GRIN2A: variants seen among roughly 807,000 people sequenced by gnomAD.
GRIN2A encodes glutamate receptor ionotropic, NMDA 2A.
In GRIN2A, 22 loss-of-function variants were observed where a neutral mutation model predicts 113.4. The ratio of observed to expected loss-of-function variants is 0.19; its 90% CI spans 0.14 to 0.28. The LOEUF (loss-of-function observed/expected upper bound fraction) is 0.28, where lower values mean the gene tolerates loss of function less well. Ranked by LOEUF, GRIN2A falls within the 10% of genes least tolerant of loss-of-function variation. The probability of loss-of-function intolerance (pLI) is 1.00; values close to 1 mark genes in which losing one functional copy is unlikely to be tolerated. For missense variants in GRIN2A, 1,502 were observed against 1,887.0 expected, an observed-to-expected ratio of 0.80 and a Z score of 3.78; for synonymous variants, 827 against 738.4, an observed-to-expected ratio of 1.12 and a Z score of -1.94.
At chr16:9,782,013 T>C (rs1224350258) in intron 11 of GRIN2A, among the ~76,000 whole-genome samples, 1 of 152,150 alleles carries the variant, frequency 6.6e-6, no homozygotes, top group Non-Finnish European at 1.5e-5. Context: ...ATAATTATAA[T>C]TAAAGAAATG....
At chr16:9,792,354 G>A (rs560426754) in intron 11 of GRIN2A, among the ~76,000 whole-genome samples, 3 of 152,146 alleles carry the variant, frequency 2.0e-5, no homozygotes, top group African/African-American at 7.2e-5. Flanking sequence ...TCCTGAGTAG[G>A]TGGGCCTACA....
intron 10 of GRIN2A, among the ~76,000 whole-genome samples, chr16:9,813,500 T>G (rs1055215389): frequency 3.4e-5 from 5 of 145,548 alleles, no homozygotes; most frequent in Non-Finnish European, 1.5e-5. Context: ...GATATATTTC[T>G]TTTTAGTCTG....
At chr16:10,087,598 G>A (rs1459701079) in intron 2 of GRIN2A, among the ~76,000 whole-genome samples, 3 of 152,238 alleles carry the variant, frequency 2.0e-5, no homozygotes, top group Admixed American at 6.5e-5. Flanking sequence ...TATTACTGTA[G>A]CATGAACCTG....
Position 9,764,400 on chromosome 16 carries a change from G to A in GRIN2A, c.3144C>T (p.Ser1048=), listed in dbSNP as rs1900774977. ...CCATCTCTTCTGGAAGATACCTAGG[G>A]CTCTTTAGGGAGTGGGTCCTATTCT... ...TAENRTHSLK[S]PRYLPEEMAH... Residue 1048 remains serine (S), a synonymous_variant, in exon 13 of 13, where the codon AGC becomes AGT. Coordinates refer to ENST00000330684, the MANE Select transcript of GRIN2A (RefSeq NM_001134407.3). 1.2e-6 allele frequency: 2 copies of A among 1,614,080 alleles called. No individual in the cohort carries two copies. The highest frequency in any genetic ancestry group is 1.7e-6 in the Non-Finnish European group (2 of 1,179,958).
intron 2 of GRIN2A, among the ~76,000 whole-genome samples, chr16:10,129,125 G>A (rs1303193993): frequency 6.6e-6 from 1 of 152,102 alleles, no homozygotes; most frequent in African/African-American, 2.4e-5. Flanking sequence ...GCCCAGGCTG[G>A]AATGCAGTGG....
intron 12 of GRIN2A, among the ~76,000 whole-genome samples, chr16:9,768,601 G>A (rs865919173): frequency 6.6e-6 from 1 of 152,140 alleles, no homozygotes; most frequent in African/African-American, 2.4e-5. Flanking sequence ...TTTAGCTGCC[G>A]TTTCACGTCA....
chr16:9,779,786 T>G (rs1901834511), intron 11 of GRIN2A, among the ~76,000 whole-genome samples: 2 of 152,118 alleles, frequency 1.3e-5, no homozygotes, highest in South Asian at 4.1e-4. Context: ...TCCTCTGACC[T>G]CCTCTCCCTT....
At chr16:10,041,728 T>C (rs2047169647) in intron 2 of GRIN2A, among the ~76,000 whole-genome samples, 1 of 152,204 alleles carries the variant, frequency 6.6e-6, no homozygotes, top group Non-Finnish European at 1.5e-5. Flanking sequence ...GCTGATAACT[T>C]TGGTATGACC....
intron 2 of GRIN2A, among the ~76,000 whole-genome samples, chr16:10,128,719 A>G (rs2048998065): frequency 6.6e-6 from 1 of 152,234 alleles, no homozygotes; most frequent in African/African-American, 2.4e-5. Flanking sequence ...GTCTCTATAA[A>G]GCACCATGCG....
At chr16:9,921,188 T>C (rs2044351534) in intron 3 of GRIN2A, among the ~76,000 whole-genome samples, 1 of 152,248 alleles carries the variant, frequency 6.6e-6, no homozygotes, top group African/African-American at 2.4e-5. Flanking sequence ...ATGACAATAA[T>C]AATAATTAGT....
rs1054249500 is a variant in GRIN2A, at chr16:10,039,671, G to A, written c.415-101120C>T. Among the ~76,000 whole-genome samples, 8 of 151,578 alleles carry A rather than the reference G, an allele frequency of 5.3e-5. No individual in the cohort carries two copies. The East Asian group carries it at 9.9e-4, about 19-fold the overall frequency. ...CACCCGGGAGCGGGGGCGGCTGCTC[G>A]CTCTACTCCTGGGAGGGGCCTTTCG... On this transcript the variant is annotated intron_variant, in intron 2 of 12. Transcript: ENST00000330684.
chr16:9,984,014 C>A (rs4782149), intron 2 of GRIN2A, among the ~76,000 whole-genome samples: 2 of 152,028 alleles, frequency 1.3e-5, no homozygotes, highest in Admixed American at 6.5e-5. Flanking sequence ...AAATTCCCAC[C>A]AGCAATGTAT....
At chr16:9,989,183 G>A (rs1033960487) in intron 2 of GRIN2A, among the ~76,000 whole-genome samples, 3 of 152,014 alleles carry the variant, frequency 2.0e-5, no homozygotes, top group African/African-American at 7.2e-5. Context: ...CATGGTACTG[G>A]TAAAAGACAC....
At chr16:10,067,584 C>A (rs2047673253) in intron 2 of GRIN2A, among the ~76,000 whole-genome samples, 4 of 152,118 alleles carry the variant, frequency 2.6e-5, no homozygotes, top group Admixed American at 2.6e-4. Flanking sequence ...GAGGGACACC[C>A]AGGGAGGACT....
intron 10 of GRIN2A, among the ~76,000 whole-genome samples, chr16:9,807,248 G>A (rs1286636186): frequency 2.4e-5 from 1 of 41,692 alleles, no homozygotes; most frequent in Non-Finnish European, 4.9e-5. Context: ...GAGAGGGAGG[G>A]AGGGGAGAGA....
chr16:10,042,518 C>A (rs1359149264), intron 2 of GRIN2A, among the ~76,000 whole-genome samples: 1 of 152,202 alleles, frequency 6.6e-6, no homozygotes, highest in Admixed American at 6.5e-5. Context: ...GTACTGACCA[C>A]AGCCTCACAA....
At chr16:10,131,383 G>A (rs923741847) in intron 2 of GRIN2A, among the ~76,000 whole-genome samples, 1 of 152,082 alleles carries the variant, frequency 6.6e-6, no homozygotes, top group Non-Finnish European at 1.5e-5. Flanking sequence ...CCAACTCGGG[G>A]GGAAATTCAT....
chr16:10,025,488 G>T (rs1254165593), intron 2 of GRIN2A, among the ~76,000 whole-genome samples: 1 of 151,552 alleles, frequency 6.6e-6, no homozygotes, highest in Non-Finnish European at 1.5e-5. Flanking sequence ...TTTTTGGAGG[G>T]ACAGGGTCTC....
At chr16:10,097,870 G>A (rs191891018) in intron 2 of GRIN2A, among the ~76,000 whole-genome samples, 16 of 152,248 alleles carry the variant, frequency 1.1e-4, no homozygotes, top group Admixed American at 1.0e-3. Flanking sequence ...ATCCCTTCTA[G>A]ACATTGGATT....
Sources: gnomAD v4.1 joint callset for allele counts (sites outside exome capture counted in the v4.1 genomes callset) on GRCh38, gnomAD v4.1.1 for gene constraint, MANE v1.5 for transcripts, NCBI Gene and HGNC (gene_info 2026-07-23, HGNC 2026-07-21) for gene names.